The following KCNN2 variants were observed in gnomAD, a reference collection of about 807,000 sequenced individuals.
KCNN2 encodes the protein small conductance calcium-activated potassium channel protein 2.
A neutral mutation model predicts 55.5 loss-of-function variants in KCNN2; 24 were observed. That is an observed-to-expected ratio of 0.43 (90% CI 0.31 to 0.61). The LOEUF is 0.61. Among genes scored for constraint, KCNN2 ranks in the 20% least tolerant of loss-of-function variants. The pLI, the probability that KCNN2 is intolerant of heterozygous loss-of-function variation, is 0.08. For missense variants in KCNN2, 754 were observed against 853.6 expected (o/e 0.88, Z 1.45); for synonymous variants, 431 against 336.1 (o/e 1.28, Z -3.09).
chr5:114,384,681 A>G (rs1758223014), intron 2 of KCNN2, among the ~76,000 whole-genome samples: 1 of 152,168 alleles, frequency 6.6e-6, no homozygotes, highest in Admixed American at 6.5e-5. Flanking sequence ...TTCTAATTGC[A>G]TACGACCAGT....
intron 2 of KCNN2, among the ~76,000 whole-genome samples, chr5:114,287,736 G>C: frequency 6.7e-6 from 1 of 148,770 alleles, no homozygotes; most frequent in Non-Finnish European, 1.5e-5. Flanking sequence ...CTTTCTGCAC[G>C]TGTGTCTCAG....
intron 2 of KCNN2, among the ~76,000 whole-genome samples, chr5:114,275,046 G>T (rs550591277): frequency 6.6e-6 from 1 of 152,238 alleles, no homozygotes; most frequent in South Asian, 2.1e-4. Context: ...AGCATGAAAG[G>T]CTGTTGAATT....
chr5:114,462,517 G>A (rs536841161), intron 3 of KCNN2, among the ~76,000 whole-genome samples: 47 of 152,258 alleles, frequency 3.1e-4, no homozygotes, highest in Non-Finnish European at 4.4e-4. Flanking sequence ...CCGATACTCA[G>A]GGAGCACAGG....
At chr5:114,224,449 T>C (rs762261088) in intron 2 of KCNN2, among the ~76,000 whole-genome samples, 7 of 152,234 alleles carry the variant, frequency 4.6e-5, no homozygotes, top group Non-Finnish European at 7.3e-5. Flanking sequence ...ACAAGTCTTT[T>C]AAGATAGCTT....
intron 2 of KCNN2, among the ~76,000 whole-genome samples, chr5:114,293,398 T>G (rs1418441683): frequency 6.6e-6 from 1 of 152,204 alleles, no homozygotes; most frequent in Non-Finnish European, 1.5e-5. Flanking sequence ...GTTTTTAGCA[T>G]GAAGGGTTGT....
intron 2 of KCNN2, among the ~76,000 whole-genome samples, chr5:114,339,740 T>C: frequency 6.6e-6 from 1 of 151,974 alleles, no homozygotes; most frequent in Middle Eastern, 3.2e-3. Context: ...GAGGTGGAAG[T>C]TGCTGTGAGC....
intron 2 of KCNN2, among the ~76,000 whole-genome samples, chr5:114,306,112 C>T (rs1227800862): frequency 6.6e-6 from 1 of 152,194 alleles, no homozygotes. Flanking sequence ...CCTGGAGCAA[C>T]ACTGTGAATT....
At chr5:114,479,352 A>G (rs975791310) in intron 5 of KCNN2, among the ~76,000 whole-genome samples, 3 of 152,192 alleles carry the variant, frequency 2.0e-5, no homozygotes, top group South Asian at 2.1e-4. Flanking sequence ...CAATTCAACA[A>G]AAGAGTTAAC....
intron 1 of KCNN2, among the ~76,000 whole-genome samples, chr5:114,176,132 G>GTT (rs1753126464): frequency 6.6e-6 from 1 of 152,070 alleles, no homozygotes; most frequent in Non-Finnish European, 1.5e-5. Context: ...ATTCTTTGTT[G>GTT]TTGGGCCTGT....
chr5:114,379,947 G>T (rs142829123), intron 2 of KCNN2, among the ~76,000 whole-genome samples: 1 of 149,082 alleles, frequency 6.7e-6, no homozygotes, highest in African/African-American at 2.5e-5. Flanking sequence ...TATGTAAAGT[G>T]TAAAAATATA....
At chr5:114,092,869 A>G (rs1298236735) in intron 1 of KCNN2, among the ~76,000 whole-genome samples, 1 of 152,174 alleles carries the variant, frequency 6.6e-6, no homozygotes, top group East Asian at 1.9e-4. Flanking sequence ...GGCCTGGCCC[A>G]TGAAACTATT....
chr5:114,098,389 C>G (rs1487217), intron 1 of KCNN2, among the ~76,000 whole-genome samples: 44,105 of 151,582 alleles, frequency 0.29, 6,646 homozygotes, highest in Non-Finnish European at 0.32. Context: ...CTGTTAGGAA[C>G]CAGGCTGCAT....
At chr5:114,471,948 TA>T (rs1761765437) in intron 4 of KCNN2, among the ~76,000 whole-genome samples, 1 of 152,202 alleles carries the variant, frequency 6.6e-6, no homozygotes, top group Admixed American at 6.5e-5. Context: ...ACTGAATAGC[TA>T]AATCACATCT....
intron 2 of KCNN2, among the ~76,000 whole-genome samples, chr5:114,375,962 A>ATATATATATATATATATATATG (rs1757919507): frequency 7.0e-6 from 1 of 143,522 alleles, no homozygotes; most frequent in Non-Finnish European, 1.5e-5. Flanking sequence ...GTATATATAT[A>ATATATATATATATATATATATG]TATATATATA....
At chr5:114,183,743 T>A in intron 1 of KCNN2, among the ~76,000 whole-genome samples, 1 of 152,062 alleles carries the variant, frequency 6.6e-6, no homozygotes, top group South Asian at 2.1e-4. Context: ...TTTTTTCTTT[T>A]TAACTTGATC....
At chr5:114,352,660 C>T (rs1385807782) in intron 2 of KCNN2, among the ~76,000 whole-genome samples, 1 of 151,502 alleles carries the variant, frequency 6.6e-6, no homozygotes, top group Non-Finnish European at 1.5e-5. Context: ...TTTCTAATTC[C>T]CATTGTGATT....
chr5:114,284,204 G>A (rs2150014241), intron 2 of KCNN2, among the ~76,000 whole-genome samples: 1 of 152,218 alleles, frequency 6.6e-6, no homozygotes, highest in African/African-American at 2.4e-5. Flanking sequence ...AATATCTTAG[G>A]TCTTGGATGT....
rs192017539 is a variant in KCNN2 at position 114,379,897 on chromosome 5, G to T, written c.1218+15896G>T. Among the ~76,000 whole-genome samples, 119 of 146,190 alleles carry T rather than the reference G, an allele frequency of 8.1e-4. 1 individual carries two copies. In the East Asian group the frequency reaches 0.022, roughly 27 times the overall value. The stretch of plus-strand genomic sequence containing the variant: ...TAAATATATAGCATAATTATATTGT[G>T]ACAGTATAATGAATAACATAATATA... On this transcript the variant is annotated intron_variant, in intron 2 of 7. Transcript: ENST00000673685.
intron 1 of KCNN2, among the ~76,000 whole-genome samples, chr5:114,162,163 T>C (rs979805159): frequency 1.3e-5 from 2 of 152,162 alleles, no homozygotes; most frequent in African/African-American, 4.8e-5. Flanking sequence ...ATGATGGTGA[T>C]GTACAGACGG....
Sources: allele counts gnomAD v4.1 joint callset (sites outside exome capture counted in the v4.1 genomes callset), GRCh38; gene constraint gnomAD v4.1.1; transcripts MANE v1.5; gene names NCBI Gene and HGNC (gene_info 2026-07-23, HGNC 2026-07-21).